The following NCOA6 variants were observed in gnomAD, a reference collection of about 807,000 sequenced individuals.
The protein encoded by NCOA6 is nuclear receptor coactivator 6, also known as NRC RAP250.
NCOA6 carries 49 observed loss-of-function variants against 171.4 expected under a neutral mutation model. The ratio of observed to expected loss-of-function variants is 0.29; its 90% CI spans 0.23 to 0.36. The LOEUF is 0.36. Ranked by LOEUF, NCOA6 falls within the 10% of genes least tolerant of loss-of-function variation. The probability of loss-of-function intolerance (pLI) is 1.00; values close to 1 mark genes in which losing one functional copy is unlikely to be tolerated. For synonymous variants in NCOA6, 910 were observed against 927.5 expected, an observed-to-expected ratio of 0.98 and a Z score of 0.34; for missense variants, 2,248 against 2,554.5, an observed-to-expected ratio of 0.88 and a Z score of 2.59.
intron 8 of NCOA6, among the ~76,000 whole-genome samples, chr20:34,754,150 A>C (rs1256994954): frequency 1.3e-5 from 2 of 152,212 alleles, no homozygotes; most frequent in African/African-American, 4.8e-5. Flanking sequence ...ACTCAGCATA[A>C]ACAAAGCTTA....
At position 34,823,000 on chromosome 20, in the gene NCOA6, G is replaced by A. The variant is rs1162671760; in HGVS notation, c.-164+2472C>T. Among the ~76,000 whole-genome samples the A allele has an allele frequency of 2.0e-5, 3 of 152,142 alleles. No homozygotes were observed. The East Asian group carries it at 5.8e-4, about 29-fold the overall frequency. On this transcript the variant is annotated intron_variant, in intron 1 of 14. Coordinates refer to ENST00000359003, the MANE Select transcript of NCOA6 (RefSeq NM_014071.5). ...TATAATCTTGAAGTAGCCTTTATGCGCATCATGTCTTTGAAATTATAATTA... is the reference window on the plus strand; with the variant it reads ...TATAATCTTGAAGTAGCCTTTATGCACATCATGTCTTTGAAATTATAATTA...
At chr20:34,767,592 G>A (rs1023752979) in intron 5 of NCOA6, among the ~76,000 whole-genome samples, 2 of 152,120 alleles carry the variant, frequency 1.3e-5, no homozygotes, top group Non-Finnish European at 2.9e-5. Context: ...AATCGTGCCC[G>A]GCCAAGACTA....
chr20:34,809,665 C>T (rs1428561087), intron 1 of NCOA6: 6 of 388,528 alleles, frequency 1.5e-5, no homozygotes, highest in Non-Finnish European at 2.3e-5. Context: ...GCTAATTTTA[C>T]TCTAGAAAGA....
At position 34,757,431 on chromosome 20, in the gene NCOA6, G is replaced by C; in HGVS notation, c.1317C>G (p.Ser439=). The change falls in exon 7 of 15, where the codon TCC becomes TCG. Residue 439 remains serine (S), a synonymous_variant. Transcript: ENST00000359003. ...ASSPSSFQQG[S]PASSPTVNQT... is the part of the protein sequence containing the mutation. ...GGTTAACCGTTGGGGAGGATGCAGG[G>C]GATCCCTGCTGGAAGGAGGAGGGTG... The C allele has an allele frequency of 6.2e-7, 1 of 1,613,810 alleles. No homozygotes were observed. Among genetic ancestry groups the C allele is most frequent in the Non-Finnish European group, 8.5e-7 (1 of 1,179,808 alleles).
rs766683233 is a variant in NCOA6, at chr20:34,742,029, C to T, written c.4227G>A (p.Gly1409=). The change falls in exon 11 of 15, where the codon GGG becomes GGA. Residue 1409 remains glycine, a synonymous_variant. Coordinates refer to ENST00000359003, the MANE Select transcript of NCOA6 (RefSeq NM_014071.5). ...QNSTVSVAAV[G]GVVEDNKESL... is the part of the protein sequence containing the mutation. ...TCTCCTTGTTATCCTCAACAACACC[C>T]CCAACTGCAGCCACAGACACAGTAG... 56 of 1,614,034 alleles carry T rather than the reference C, an allele frequency of 3.5e-5. No individual in the cohort carries two copies. In the South Asian group the frequency reaches 6.0e-4, roughly 17 times the overall value.
At chr20:34,775,732 G>C (rs1321991289) in intron 4 of NCOA6, among the ~76,000 whole-genome samples, 1 of 150,380 alleles carries the variant, frequency 6.6e-6, no homozygotes, top group Non-Finnish European at 1.5e-5. Context: ...GCTACAAAAG[G>C]AAAGGACTGT....
At chr20:34,756,421 C>G (rs1226963388) in intron 7 of NCOA6, among the ~76,000 whole-genome samples, 1 of 152,074 alleles carries the variant, frequency 6.6e-6, no homozygotes, top group Admixed American at 6.6e-5. Flanking sequence ...CAATGGGTGT[C>G]TTTTGGTGGG....
chr20:34,718,500 G>A (rs1422311442), intron 14 of NCOA6, among the ~76,000 whole-genome samples: 4 of 150,430 alleles, frequency 2.7e-5, no homozygotes, highest in South Asian at 4.2e-4. Flanking sequence ...TTTTGAGATG[G>A]AGTCTTGCAA....
At chr20:34,754,976 C>A in intron 7 of NCOA6, 108 bp from the exon 8 acceptor site, 2 of 1,094,462 alleles carry the variant, frequency 1.8e-6, no homozygotes, top group Non-Finnish European at 2.6e-6. Context: ...ACTGGCTTAG[C>A]TCTCTCTGTC....
intron 8 of NCOA6, among the ~76,000 whole-genome samples, chr20:34,754,324 T>C (rs1397054629): frequency 3.9e-5 from 6 of 152,332 alleles, no homozygotes; most frequent in African/African-American, 1.4e-4. Context: ...GGTCTGTAAA[T>C]AAACAAGTGT....
At chr20:34,751,067 T>C (rs894884960) in intron 8 of NCOA6, among the ~76,000 whole-genome samples, 1 of 152,008 alleles carries the variant, frequency 6.6e-6, no homozygotes, top group African/African-American at 2.4e-5. Context: ...GAAATAACTC[T>C]GCTATAAGAA....
At chr20:34,783,973 CTTAT>C (rs2077589871) in intron 2 of NCOA6, among the ~76,000 whole-genome samples, 2 of 151,664 alleles carry the variant, frequency 1.3e-5, no homozygotes, top group African/African-American at 2.4e-5. Flanking sequence ...ATTTATGGCA[CTTAT>C]TTATATTATT....
chr20:34,723,468 C>T (rs1989613445), intron 14 of NCOA6, among the ~76,000 whole-genome samples: 1 of 152,132 alleles, frequency 6.6e-6, no homozygotes, highest in Admixed American at 6.5e-5. Flanking sequence ...TGAGGTCTTG[C>T]GACTGATGCG....
At chr20:34,729,039 C>G (rs1161045400) in intron 13 of NCOA6, among the ~76,000 whole-genome samples, 1 of 152,166 alleles carries the variant, frequency 6.6e-6, no homozygotes, top group East Asian at 1.9e-4. Context: ...CAAACTCTGC[C>G]TCCTGTGTTC....
chr20:34,813,851 T>C (rs1448225420), intron 1 of NCOA6, among the ~76,000 whole-genome samples: 2 of 152,150 alleles, frequency 1.3e-5, no homozygotes, highest in Admixed American at 6.6e-5. Flanking sequence ...AAAAAATTTA[T>C]GAAATTCAAT....
At chr20:34,825,388 C>G (rs2079123223) in intron 1 of NCOA6, 84 bp downstream of exon 1, 1 of 149,800 alleles carries the variant, frequency 6.7e-6, no homozygotes, top group South Asian at 2.1e-4. Flanking sequence ...CGGGCGGCGC[C>G]TCCTCCCCGC....
intron 1 of NCOA6, among the ~76,000 whole-genome samples, chr20:34,797,306 C>A (rs138147818): frequency 2.6e-5 from 4 of 152,110 alleles, no homozygotes; most frequent in African/African-American, 9.7e-5. Context: ...TAGGAGAGGG[C>A]AGAGTCCTGA....
intron 4 of NCOA6, among the ~76,000 whole-genome samples, chr20:34,770,463 C>G (rs911984512): frequency 1.3e-5 from 2 of 152,034 alleles, no homozygotes; most frequent in African/African-American, 4.8e-5. Context: ...AAAAGAGAAA[C>G]AGAATACAGG....
rs200635115 is a variant in NCOA6, at chr20:34,791,814, AAAG to A, written c.-50+633_-50+635del. Among the ~76,000 whole-genome samples, 1,086 of 152,262 alleles carry A rather than the reference AAAG, an allele frequency of 7.1e-3. 13 individuals carry two copies. The highest frequency in any genetic ancestry group is 0.024 in the African/African-American group (1,006 of 41,558). On this transcript the variant is annotated intron_variant, in intron 2 of 14. Transcript: ENST00000359003. ...ATACTGTACATGAAGGAAATTCTCA[AAAG>A]AAGAAGGAGAGAGGGCAGGGAGATG...
Sources: gnomAD v4.1 joint callset for allele counts (sites outside exome capture counted in the v4.1 genomes callset) on GRCh38, gnomAD v4.1.1 for gene constraint, MANE v1.5 for transcripts, NCBI Gene and HGNC (gene_info 2026-07-23, HGNC 2026-07-21) for gene names.